The following ZNF678 variants were observed in gnomAD, a reference collection of about 807,000 sequenced individuals.
The protein encoded by ZNF678 is zinc finger protein 678, also known as hypothetical protein MGC42493.
ZNF678 carries 5 observed loss-of-function variants against 3.0 expected under a neutral mutation model. That is an observed-to-expected ratio of 1.69 (90% CI 0.88 to 3.56). The LOEUF is 3.56. ZNF678 is among the 30% of genes most tolerant of loss of function. The pLI, the probability that ZNF678 is intolerant of heterozygous loss-of-function variation, is 0.00. For synonymous variants in ZNF678, 218 were observed against 199.6 expected (o/e 1.09, Z -0.78); for missense variants, 593 against 605.0 (o/e 0.98, Z 0.21).
At chr1:227,642,316 G>A (rs1438264300) in intron 1 of ZNF678, among the ~76,000 whole-genome samples, 9 of 152,314 alleles carry the variant, frequency 5.9e-5, no homozygotes, top group South Asian at 4.1e-4. Context: ...GCAGTTGTGC[G>A]AATAGCAAAA....
intron 1 of ZNF678, among the ~76,000 whole-genome samples, chr1:227,572,029 G>A (rs1004431412): frequency 1.3e-5 from 2 of 152,032 alleles, no homozygotes; most frequent in South Asian, 4.2e-4. Flanking sequence ...GCAACAGAGC[G>A]AGACTCCGTC....
chr1:227,633,730 G>A (rs1202742942), intron 1 of ZNF678, among the ~76,000 whole-genome samples: 1 of 152,228 alleles, frequency 6.6e-6, no homozygotes, highest in Admixed American at 6.5e-5. Flanking sequence ...TGAGTTCCCA[G>A]AAGCCTTGCA....
chr1:227,581,880 G>A (rs997604674), intron 1 of ZNF678, among the ~76,000 whole-genome samples: 6 of 152,114 alleles, frequency 3.9e-5, no homozygotes, highest in African/African-American at 7.2e-5. Flanking sequence ...CACCAGCAGC[G>A]CATGAGAGTT....
intron 1 of ZNF678, among the ~76,000 whole-genome samples, chr1:227,570,830 T>C (rs1656821025): frequency 6.6e-6 from 1 of 152,216 alleles, no homozygotes; most frequent in African/African-American, 2.4e-5. Flanking sequence ...TGGTAGAATT[T>C]ATACATTGTG....
chr1:227,632,612 G>T (rs1344573055), intron 1 of ZNF678, among the ~76,000 whole-genome samples: 1 of 152,128 alleles, frequency 6.6e-6, no homozygotes, highest in African/African-American at 2.4e-5. Flanking sequence ...AGGGTTGGGA[G>T]TTAGAAAGCC....
At chr1:227,568,361 G>A (rs1447636390) in intron 1 of ZNF678, among the ~76,000 whole-genome samples, 1 of 151,010 alleles carries the variant, frequency 6.6e-6, no homozygotes, top group African/African-American at 2.4e-5. Context: ...TTGTTTATGA[G>A]ACAAAAATGG....
At chr1:227,621,406 A>G (rs1309869883) in intron 1 of ZNF678, among the ~76,000 whole-genome samples, 1 of 152,228 alleles carries the variant, frequency 6.6e-6, no homozygotes, top group Non-Finnish European at 1.5e-5. Flanking sequence ...CAGCATGGGC[A>G]GTGACTCATG....
At chr1:227,653,670 T>A (rs1659143125) in intron 3 of ZNF678, among the ~76,000 whole-genome samples, 1 of 152,076 alleles carries the variant, frequency 6.6e-6, no homozygotes, top group Admixed American at 6.6e-5. Context: ...TCAAACCTCT[T>A]CTTATGATCT....
chr1:227,631,647 C>G (rs997101462), intron 1 of ZNF678, among the ~76,000 whole-genome samples: 3 of 152,128 alleles, frequency 2.0e-5, no homozygotes, highest in Non-Finnish European at 4.4e-5. Context: ...CAGATTAAGT[C>G]CTTTTGGGTA....
downstream of ZNF678, among the ~76,000 whole-genome samples, chr1:227,666,899 C>T (rs568302289): frequency 1.3e-4 from 19 of 151,934 alleles, no homozygotes; most frequent in African/African-American, 4.1e-4. Context: ...CATGCGCCAC[C>T]ACAGCCGGCT....
intron 5 of ZNF678, among the ~76,000 whole-genome samples, chr1:227,670,413 G>T (rs1424742190): frequency 6.6e-6 from 1 of 152,210 alleles, no homozygotes; most frequent in Non-Finnish European, 1.5e-5. Flanking sequence ...TAAACGAGTA[G>T]TTTGGCCTCC....
At chr1:227,569,930 G>A (rs1383811669) in intron 1 of ZNF678, among the ~76,000 whole-genome samples, 1 of 152,212 alleles carries the variant, frequency 6.6e-6, no homozygotes, top group African/African-American at 2.4e-5. Context: ...AGTAGGTAAA[G>A]ATCTTCATCT....
intron 5 of ZNF678, among the ~76,000 whole-genome samples, chr1:227,674,913 A>G (rs900119024): frequency 6.6e-6 from 1 of 152,306 alleles, no homozygotes; most frequent in Non-Finnish European, 1.5e-5. Flanking sequence ...TCTATCTACA[A>G]TTGAAATTCT....
At chr1:227,591,042 A>G (rs539911627) in intron 1 of ZNF678, among the ~76,000 whole-genome samples, 1 of 151,914 alleles carries the variant, frequency 6.6e-6, no homozygotes, top group East Asian at 1.9e-4. Context: ...CTCCACATAC[A>G]TAACATGAAG....
downstream of ZNF678, among the ~76,000 whole-genome samples, chr1:227,663,226 G>A (rs147475705): frequency 9.5e-4 from 144 of 152,324 alleles, no homozygotes; most frequent in Non-Finnish European, 1.5e-3. Flanking sequence ...AGTTTGTGAT[G>A]CTGTATTATG....
chr1:227,593,860 C>T (rs899522212), intron 1 of ZNF678, among the ~76,000 whole-genome samples: 1 of 68,028 alleles, frequency 1.5e-5, no homozygotes, highest in East Asian at 7.8e-4. Context: ...GTCCATCCCC[C>T]CCCCCCCTTT....
intron 3 of ZNF678, among the ~76,000 whole-genome samples, chr1:227,651,301 A>C (rs1395398190): frequency 2.0e-5 from 3 of 152,140 alleles, no homozygotes; most frequent in African/African-American, 7.2e-5. Flanking sequence ...ACTTGGCCTA[A>C]TACCAAGTGT....
In ZNF678 at chr1:227,657,253, A is replaced by T. The variant is rs1659274599; in HGVS notation, c.*1425A>T. On this transcript the variant is annotated 3_prime_UTR_variant, in exon 4 of 4. Transcript: ENST00000343776. ...TCCTCTTGCTTTGTCTTTTGCCATGATACCCCTTTGCCTTTTATTATGCAT... is the reference window on the plus strand; with the variant it reads ...TCCTCTTGCTTTGTCTTTTGCCATGTTACCCCTTTGCCTTTTATTATGCAT... The T allele has an allele frequency of 6.6e-6, 1 of 151,886 alleles. No individual in the cohort carries two copies. Among genetic ancestry groups the T allele is most frequent in the Non-Finnish European group, 1.5e-5 (1 of 67,864 alleles). 9.4% of individuals were successfully genotyped at this position (151,886 alleles called of 1,614,324 possible). A position where few individuals can be genotyped will look rare whatever the true frequency, so the allele number is the denominator to read the frequency against.
Position 227,656,251 on chromosome 1 carries a change from G to A in ZNF678, c.*423G>A, listed in dbSNP as rs1659246779. The stretch of plus-strand genomic sequence containing the variant: ...ATAATTTACTGTAGAAAGTACTAAG[G>A]CACTAACAGTTTCAGATGTTACTTT... On this transcript the variant is annotated 3_prime_UTR_variant, in exon 4 of 4. Coordinates refer to ENST00000343776, the MANE Select transcript of ZNF678 (RefSeq NM_001367909.1). 1 of 152,382 alleles carries A rather than the reference G, an allele frequency of 6.6e-6. No individual in the cohort carries two copies. The highest frequency in any genetic ancestry group is 1.5e-5 in the Non-Finnish European group (1 of 68,252). 9.4% of individuals were successfully genotyped at this position (152,382 alleles called of 1,614,324 possible). A position where few individuals can be genotyped will look rare whatever the true frequency, so the allele number is the denominator to read the frequency against.
Sources: allele counts gnomAD v4.1 joint callset (sites outside exome capture counted in the v4.1 genomes callset), GRCh38; gene constraint gnomAD v4.1.1; transcripts MANE v1.5; gene names NCBI Gene and HGNC (gene_info 2026-07-23, HGNC 2026-07-21).